Variants in OR4A5 observed in about 807,000 individuals in gnomAD.
OR4A5 encodes olfactory receptor 4A5.
For synonymous variants in OR4A5, 245 were observed against 138.5 expected, an observed-to-expected ratio of 1.77 and a Z score of -5.40; for missense variants, 684 against 381.6, an observed-to-expected ratio of 1.79 and a Z score of -6.60.
Position 54,707,742 on chromosome 11 carries a change from G to A in OR4A5, c.858G>A (p.Leu286=). ...TGCTGAGTCCTTTAATATATACGTT[G>A]AGAAATTCAGAGATGAGAAATGCTA... ...THMLSPLIYT[L]RNSEMRNAIE... is the part of the protein sequence containing the mutation. Residue 286 remains leucine (L), a synonymous_variant, in exon 1 of 1, where the codon TTG becomes TTA. Coordinates refer to ENST00000319760, the MANE Select transcript of OR4A5 (RefSeq NM_001005272.3). The A allele has an allele frequency of 1.9e-6, 3 of 1,594,062 alleles. No individual in the cohort carries two copies. The highest frequency in any genetic ancestry group is 1.7e-6 in the Non-Finnish European group (2 of 1,164,794).
rs753641203 is a variant in OR4A5, at chr11:54,707,541, A to G, written c.657A>G (p.Leu219=). 1 of 1,613,554 alleles carries G rather than the reference A, an allele frequency of 6.2e-7. No individual in the cohort carries two copies. The highest frequency in any genetic ancestry group is 1.1e-5 in the South Asian group (1 of 91,064). The change falls in exon 1 of 1, where the codon CTA becomes CTG. Residue 219 remains leucine (L), a synonymous_variant. Coordinates refer to ENST00000319760, the MANE Select transcript of OR4A5 (RefSeq NM_001005272.3). The stretch of plus-strand genomic sequence containing the variant: ...TGTTAATCTCCTATGGAGTCATCCT[A>G]AGCTCCCTTAAAACTTACAGTCAGG... The part of the protein sequence containing the change: ...NLLLISYGVI[L]SSLKTYSQEK...
Position 54,706,957 on chromosome 11 carries a change from T to C in OR4A5, c.73T>C (p.Leu25=), listed in dbSNP as rs1854043850. 1 of 1,612,982 alleles carries C rather than the reference T, an allele frequency of 6.2e-7. No individual in the cohort carries two copies. The highest frequency in any genetic ancestry group is 8.5e-7 in the Non-Finnish European group (1 of 1,179,624). Residue 25 remains leucine, a synonymous_variant, in exon 1 of 1, where the codon TTA becomes CTA. Transcript: ENST00000319760. ...FSQDPGVQKA[L]FVMFLLTYLV... ...TCAGGATCCTGGTGTGCAAAAAGCA[T>C]TATTTGTCATGTTTTTACTCACATA... is the stretch of plus-strand genomic sequence containing the variant.
At position 54,707,388 on chromosome 11, in the gene OR4A5, C is replaced by A. The variant is rs759462035; in HGVS notation, c.504C>A (p.Pro168=). Residue 168 remains proline, a synonymous_variant, in exon 1 of 1, where the codon CCC becomes CCA. Coordinates refer to ENST00000319760, the MANE Select transcript of OR4A5 (RefSeq NM_001005272.3). ...IVVYSLPFCG[P]NVIVHFSCDM... ...TGTACAGTCTCCCTTTCTGTGGTCC[C>A]AATGTCATTGTTCATTTCAGTTGTG... 4 of 1,613,518 alleles carry A rather than the reference C, an allele frequency of 2.5e-6. No individual in the cohort carries two copies. In the Admixed American group the frequency reaches 6.7e-5, roughly 27 times the overall value.
chr11:54,707,048 C>T lies in OR4A5; in HGVS notation c.164C>T (p.Ser55Phe). ...ATTATTGCCAGCCCTTCCTTGGGTT[C>T]CCCAATGTATTTCTTCCTTGCCTGC... is the stretch of plus-strand genomic sequence containing the variant. ...VDIIASPSLG[S>F]PMYFFLACLS... is the part of the protein sequence containing the mutation. The change falls in exon 1 of 1, where the codon TCC (serine) becomes TTC (phenylalanine). Residue 55 changes from serine to phenylalanine, a missense_variant. By Grantham distance (155) the Ser-to-Phe change is radical. Coordinates refer to ENST00000319760, the MANE Select transcript of OR4A5 (RefSeq NM_001005272.3). 1.2e-6 allele frequency: 2 copies of T among 1,613,702 alleles called. No homozygotes were observed. The highest frequency in any genetic ancestry group is 1.7e-6 in the Non-Finnish European group (2 of 1,179,864).
rs755425313 is a variant in OR4A5, at chr11:54,707,855, T to C, written c.*23T>C. 83 of 1,135,096 alleles carry C rather than the reference T, an allele frequency of 7.3e-5. No homozygotes were observed. The highest frequency in any genetic ancestry group is 2.1e-4 in the Middle Eastern group (1 of 4,816). 70.3% of individuals were successfully genotyped at this position (1,135,096 alleles called of 1,614,324 possible). A position where few individuals can be genotyped will look rare whatever the true frequency, so the allele number is the denominator to read the frequency against. The stretch of plus-strand genomic sequence containing the variant: ...TAGGTAAGGAGGTATGTAGTCAAGG[T>C]CTTCCCAGTGAAGTTTTCAGGTTTC... On this transcript the variant is annotated 3_prime_UTR_variant, in exon 1 of 1. Coordinates refer to ENST00000319760, the MANE Select transcript of OR4A5 (RefSeq NM_001005272.3).
Position 54,707,036 on chromosome 11 carries a change from C to G in OR4A5, c.152C>G (p.Pro51Arg), listed in dbSNP as rs1264975558. The G allele has an allele frequency of 6.2e-7, 1 of 1,613,694 alleles. No homozygotes were observed. The highest frequency in any genetic ancestry group is 8.5e-7 in the Non-Finnish European group (1 of 1,179,862). ...LLIVVDIIASPSLGSPMYFFL... is the reference protein window; with the variant it reads ...LLIVVDIIASRSLGSPMYFFL... ...ATTGTGGTGGATATTATTGCCAGCCCTTCCTTGGGTTCCCCAATGTATTTC... is the reference window on the plus strand; with the variant it reads ...ATTGTGGTGGATATTATTGCCAGCCGTTCCTTGGGTTCCCCAATGTATTTC... Residue 51 changes from proline (P) to arginine (R), a missense_variant, in exon 1 of 1, where the codon CCT (proline) becomes CGT (arginine). Coordinates refer to ENST00000319760, the MANE Select transcript of OR4A5 (RefSeq NM_001005272.3).
Position 54,707,526 on chromosome 11 carries a change from C to G in OR4A5, c.642C>G (p.Ser214=). The G allele has an allele frequency of 6.2e-7, 1 of 1,613,696 alleles. No homozygotes were observed. Among genetic ancestry groups the G allele is most frequent in the Non-Finnish European group, 8.5e-7 (1 of 1,179,858 alleles). The change falls in exon 1 of 1, where the codon TCC becomes TCG. Residue 214 remains serine, a synonymous_variant. Coordinates refer to ENST00000319760, the MANE Select transcript of OR4A5 (RefSeq NM_001005272.3). ...CMVIFNLLLI[S]YGVILSSLKT... is the part of the protein sequence containing the mutation. ...TCATTTTCAACCTTCTGTTAATCTC[C>G]TATGGAGTCATCCTAAGCTCCCTTA... is the stretch of plus-strand genomic sequence containing the variant.
rs772913200 is a variant in OR4A5 at position 54,707,764 on chromosome 11, G to A, written c.880G>A (p.Ala294Thr). 1.3e-6 allele frequency: 2 copies of A among 1,587,060 alleles called. No individual in the cohort carries two copies. The highest frequency in any genetic ancestry group is 1.7e-6 in the Non-Finnish European group (2 of 1,162,710). ...GTTGAGAAATTCAGAGATGAGAAATGCTATAGAAAAACTCTTGGGTAAAAA... is the reference window on the plus strand; with the variant it reads ...GTTGAGAAATTCAGAGATGAGAAATACTATAGAAAAACTCTTGGGTAAAAA... Reference protein sequence around the residue: ...YTLRNSEMRNAIEKLLGKKLT... With the variant: ...YTLRNSEMRNTIEKLLGKKLT... The change falls in exon 1 of 1, where the codon GCT becomes ACT. Residue 294 changes from alanine to threonine, a missense_variant. By Grantham distance (58) the Ala-to-Thr change is moderately conservative. Transcript: ENST00000319760.
Position 54,707,510 on chromosome 11 carries a change from A to G in OR4A5, c.626A>G (p.Asn209Ser). ...NSGAICMVIFNLLLISYGVIL... is the reference protein window; with the variant it reads ...NSGAICMVIFSLLLISYGVIL... ...GGAGCAATCTGTATGGTCATTTTCA[A>G]CCTTCTGTTAATCTCCTATGGAGTC... Residue 209 changes from asparagine (N) to serine (S), a missense_variant, in exon 1 of 1, where the codon AAC (asparagine) becomes AGC (serine). By Grantham distance (46) the Asn-to-Ser change is conservative. Transcript: ENST00000319760. 2 of 1,613,504 alleles carry G rather than the reference A, an allele frequency of 1.2e-6. No homozygotes were observed. Among genetic ancestry groups the G allele is most frequent in the South Asian group, 1.1e-5 (1 of 91,060 alleles).
Position 54,707,499 on chromosome 11 carries a change from G to T in OR4A5, c.615G>T (p.Met205Ile). The T allele has an allele frequency of 1.2e-6, 2 of 1,613,580 alleles. No individual in the cohort carries two copies. Among genetic ancestry groups the T allele is most frequent in the Non-Finnish European group, 1.7e-6 (2 of 1,179,858 alleles). The change falls in exon 1 of 1, where the codon ATG becomes ATT. Residue 205 changes from methionine to isoleucine, a missense_variant. Physicochemically the swap from Met to Ile is conservative, Grantham distance 10. Coordinates refer to ENST00000319760, the MANE Select transcript of OR4A5 (RefSeq NM_001005272.3). Reference sequence around the variant, plus strand: ...TTGTCAATAGTGGAGCAATCTGTATGGTCATTTTCAACCTTCTGTTAATCT... The same window carrying T: ...TTGTCAATAGTGGAGCAATCTGTATTGTCATTTTCAACCTTCTGTTAATCT... ...TVVVNSGAIC[M>I]VIFNLLLISY...
chr11:54,707,843 A>G lies in OR4A5; in HGVS notation c.*11A>G. On this transcript the variant is annotated 3_prime_UTR_variant, in exon 1 of 1. Transcript: ENST00000319760. ...TCCGTCCTCATGTAGGTAAGGAGGTATGTAGTCAAGGTCTTCCCAGTGAAG... is the reference window on the plus strand; with the variant it reads ...TCCGTCCTCATGTAGGTAAGGAGGTGTGTAGTCAAGGTCTTCCCAGTGAAG... 7.9e-7 allele frequency: 1 copy of G among 1,266,874 alleles called. No individual in the cohort carries two copies. Among genetic ancestry groups the G allele is most frequent in the Non-Finnish European group, 1.1e-6 (1 of 910,554 alleles). 78.5% of individuals were successfully genotyped at this position (1,266,874 alleles called of 1,614,324 possible). A position where few individuals can be genotyped will look rare whatever the true frequency, so the allele number is the denominator to read the frequency against.
rs767755671 is a variant in OR4A5, at chr11:54,707,277, G to T, written c.393G>T (p.Leu131Phe). Residue 131 changes from leucine (L) to phenylalanine (F), a missense_variant, in exon 1 of 1, where the codon TTG becomes TTT. Leu to Phe is a conservative substitution (Grantham distance 22). Coordinates refer to ENST00000319760, the MANE Select transcript of OR4A5 (RefSeq NM_001005272.3). Reference sequence around the variant, plus strand: ...CCATCTGTAAGCCACTGCACTATTTGACCATCATGAATCGACAGGTTTGCT... The same window carrying T: ...CCATCTGTAAGCCACTGCACTATTTTACCATCATGAATCGACAGGTTTGCT... ...YVAICKPLHY[L>F]TIMNRQVCFL... is the part of the protein sequence containing the mutation. The T allele has an allele frequency of 6.2e-7, 1 of 1,613,686 alleles. No homozygotes were observed. The highest frequency in any genetic ancestry group is 2.2e-5 in the East Asian group (1 of 44,746).
chr11:54,707,281 A>G lies in OR4A5; in HGVS notation c.397A>G (p.Ile133Val). Reference sequence around the variant, plus strand: ...CTGTAAGCCACTGCACTATTTGACCATCATGAATCGACAGGTTTGCTTCCT... The same window carrying G: ...CTGTAAGCCACTGCACTATTTGACCGTCATGAATCGACAGGTTTGCTTCCT... ...AICKPLHYLT[I>V]MNRQVCFLLL... The change falls in exon 1 of 1, where the codon ATC (isoleucine) becomes GTC (valine). Residue 133 changes from isoleucine (I) to valine (V), a missense_variant. Transcript: ENST00000319760. 1.2e-6 allele frequency: 2 copies of G among 1,613,680 alleles called. No individual in the cohort carries two copies. The highest frequency in any genetic ancestry group is 1.7e-6 in the Non-Finnish European group (2 of 1,179,852).
chr11:54,707,175 C>T lies in OR4A5; in HGVS notation c.291C>T (p.Gly97=), dbSNP rs571493604. 15 of 1,613,742 alleles carry T rather than the reference C, an allele frequency of 9.3e-6. No homozygotes were observed. In the East Asian group the frequency reaches 1.1e-4, roughly 12 times the overall value. The change falls in exon 1 of 1, where the codon GGC becomes GGT. Residue 97 remains glycine (G), a synonymous_variant. Coordinates refer to ENST00000319760, the MANE Select transcript of OR4A5 (RefSeq NM_001005272.3). Reference sequence around the variant, plus strand: ...CTATTTCCTTCCAAGGTTGCATGGGCCAGCTATTTATAGACCATTTCTTTG... The same window carrying T: ...CTATTTCCTTCCAAGGTTGCATGGGTCAGCTATTTATAGACCATTTCTTTG... ...KKTISFQGCM[G]QLFIDHFFGG... is the part of the protein sequence containing the mutation.
chr11:54,707,453 A>T lies in OR4A5; in HGVS notation c.569A>T (p.Tyr190Phe). 1.2e-6 allele frequency: 2 copies of T among 1,613,472 alleles called. No individual in the cohort carries two copies. Among genetic ancestry groups the T allele is most frequent in the South Asian group, 2.2e-5 (2 of 91,070 alleles). Residue 190 changes from tyrosine (Y) to phenylalanine (F), a missense_variant, in exon 1 of 1, where the codon TAC (tyrosine) becomes TTC (phenylalanine). Physicochemically the swap from Tyr to Phe is conservative, Grantham distance 22. Transcript: ENST00000319760. ...PLLELACTDTYFIGLTVVVNS... is the reference protein window; with the variant it reads ...PLLELACTDTFFIGLTVVVNS... ...CTGGAACTGGCATGCACTGACACCTACTTTATAGGCCTCACTGTTGTTGTC... is the reference window on the plus strand; with the variant it reads ...CTGGAACTGGCATGCACTGACACCTTCTTTATAGGCCTCACTGTTGTTGTC...
chr11:54,706,917 C>A lies in OR4A5; in HGVS notation c.33C>A (p.Val11=), dbSNP rs775130578. The change falls in exon 1 of 1, where the codon GTC becomes GTA. Residue 11 remains valine, a synonymous_variant. Transcript: ENST00000319760. MRQNNNITEF[V]LLGFSQDPGV... ...AGAATAACAATATTACAGAATTTGT[C>A]CTCCTGGGCTTTTCTCAGGATCCTG... is the stretch of plus-strand genomic sequence containing the variant. 26 of 1,610,776 alleles carry A rather than the reference C, an allele frequency of 1.6e-5. No individual in the cohort carries two copies. Among genetic ancestry groups the A allele is most frequent in the Non-Finnish European group, 2.2e-5 (26 of 1,178,390 alleles).
rs766652839 is a variant in OR4A5, at chr11:54,706,850, C to T, written c.-35C>T. ...TCGTTACAGGCCCTGTTTCCCTGAG[C>T]TCTCACCTCTGATACAAGCCTTAAA... On this transcript the variant is annotated 5_prime_UTR_variant, in exon 1 of 1. Coordinates refer to ENST00000319760, the MANE Select transcript of OR4A5 (RefSeq NM_001005272.3). 3 of 1,392,590 alleles carry T rather than the reference C, an allele frequency of 2.2e-6. No homozygotes were observed. The highest frequency in any genetic ancestry group is 3.0e-6 in the Non-Finnish European group (3 of 1,013,756). 86.3% of individuals were successfully genotyped at this position (1,392,590 alleles called of 1,614,324 possible). A position where few individuals can be genotyped will look rare whatever the true frequency, so the allele number is the denominator to read the frequency against.
Position 54,707,618 on chromosome 11 carries a change from T to C in OR4A5, c.734T>C (p.Val245Ala). The change falls in exon 1 of 1, where the codon GTC becomes GCC. Residue 245 changes from valine to alanine, a missense_variant. Physicochemically the swap from Val to Ala is moderately conservative, Grantham distance 64. Coordinates refer to ENST00000319760, the MANE Select transcript of OR4A5 (RefSeq NM_001005272.3). ...STCSSGSTVV[V>A]LFFVPCIFIY... ...TGCAGCTCCGGCAGTACCGTTGTTG[T>C]CCTCTTTTTTGTACCCTGTATTTTC... The C allele has an allele frequency of 1.2e-6, 2 of 1,612,378 alleles. No homozygotes were observed. Among genetic ancestry groups the C allele is most frequent in the East Asian group, 2.2e-5 (1 of 44,732 alleles).
In OR4A5 at chr11:54,706,860, T is replaced by A. The variant is rs1353287839; in HGVS notation, c.-25T>A. On this transcript the variant is annotated 5_prime_UTR_variant, in exon 1 of 1. Transcript: ENST00000319760. ...CCCTGTTTCCCTGAGCTCTCACCTCTGATACAAGCCTTAAAGAAGAGTAAA... is the reference window on the plus strand; with the variant it reads ...CCCTGTTTCCCTGAGCTCTCACCTCAGATACAAGCCTTAAAGAAGAGTAAA... The A allele has an allele frequency of 2.7e-6, 4 of 1,492,090 alleles. No homozygotes were observed. The highest frequency in any genetic ancestry group is 2.7e-6 in the Non-Finnish European group (3 of 1,094,652). 92.4% of individuals were successfully genotyped at this position (1,492,090 alleles called of 1,614,324 possible).
Sources: gnomAD v4.1 joint callset for allele counts on GRCh38, gnomAD v4.1.1 for gene constraint, MANE v1.5 for transcripts, NCBI Gene and HGNC (gene_info 2026-07-23, HGNC 2026-07-21) for gene names.